The following AMBN variants were observed in gnomAD, a reference collection of about 807,000 sequenced individuals.
AMBN encodes the protein ameloblastin.
AMBN carries 54 observed loss-of-function variants against 48.0 expected under a neutral mutation model. The observed-to-expected ratio is 1.12, with a 90% confidence interval of 0.90 to 1.41. The LOEUF (loss-of-function observed/expected upper bound fraction) is 1.41, where lower values mean the gene tolerates loss of function less well. AMBN is among the 40% of genes most tolerant of loss of function. The probability of loss-of-function intolerance (pLI) is 0.00; values close to 1 mark genes in which losing one functional copy is unlikely to be tolerated. For synonymous variants in AMBN, 186 were observed against 190.0 expected (o/e 0.98, Z 0.17); for missense variants, 571 against 547.3 (o/e 1.04, Z -0.43).
At position 70,606,728 on chromosome 4, in the gene AMBN, T is replaced by G. The variant is rs1402489746; in HGVS notation, c.1342T>G (p.Ter448GlyextTer3). The G allele has an allele frequency of 2.5e-5, 40 of 1,609,302 alleles. No individual in the cohort carries two copies. Among genetic ancestry groups the G allele is most frequent in the Non-Finnish European group, 3.2e-5 (38 of 1,177,734 alleles). The change falls in exon 13 of 13, where the codon TGA (stop) becomes GGA (glycine). Residue 448 changes from the stop codon to glycine (G), a stop_lost. Transcript: ENST00000322937. The part of the protein sequence containing the change: ...MHDAWHFQEP[*>G] ...TGACGCATGGCATTTCCAAGAGCCC[T>G]GACAGCTCTAAGATATTAGCTACTT...
In AMBN at chr4:70,606,317, G is replaced by T. The variant is rs770515782; in HGVS notation, c.931G>T (p.Ala311Ser). The change falls in exon 13 of 13, where the codon GCT (alanine) becomes TCT (serine). Residue 311 changes from alanine to serine, a missense_variant. Coordinates refer to ENST00000322937, the MANE Select transcript of AMBN (RefSeq NM_016519.6). ...DFTLEFDSPV[A>S]ATKGPENEEG... ...CACTCTGGAATTTGACTCCCCAGTG[G>T]CTGCCACCAAAGGCCCTGAGAACGA... is the stretch of plus-strand genomic sequence containing the variant. 4 of 1,613,960 alleles carry T rather than the reference G, an allele frequency of 2.5e-6. No homozygotes were observed. The African/African-American group carries it at 5.3e-5, about 22-fold the overall frequency.
chr4:70,598,499 TA>T (rs1737440255), intron 4 of AMBN, 96 bp downstream of exon 4: 1 of 966,520 alleles, frequency 1.0e-6, no homozygotes, highest in Non-Finnish European at 1.5e-6. Context: ...GAATAGACAA[TA>T]TACTAAAGAT....
At chr4:70,596,022 G>A (rs1737376626) in intron 2 of AMBN, among the ~76,000 whole-genome samples, 2 of 152,054 alleles carry the variant, frequency 1.3e-5, no homozygotes, top group South Asian at 2.1e-4. Flanking sequence ...AGATGCAGTG[G>A]CTCACATCTG....
intron 3 of AMBN, 71 bp downstream of exon 3, chr4:70,597,120 C>A (rs1365767334): frequency 3.6e-6 from 5 of 1,381,798 alleles, no homozygotes; most frequent in Non-Finnish European, 5.1e-6. Flanking sequence ...GAAATATAAT[C>A]GTGTGCTTCT....
At chr4:70,599,515 T>C in intron 4 of AMBN, 21 bp from the exon 5 acceptor site, 1 of 1,522,806 alleles carries the variant, frequency 6.6e-7, no homozygotes, top group Non-Finnish European at 9.0e-7. Flanking sequence ...TAAGCATGTC[T>C]TTTTTTATCC....
In AMBN at chr4:70,602,642, G is replaced by T; in HGVS notation, c.550G>T (p.Ala184Ser). ...GATATAGCTCCCAGGAGTAGATTTT[G>T]CTGATCCACAAGGTCCATCAGTAAG... The part of the protein sequence containing the change: ...PKPELPGVDF[A>S]DPQGPSLPGM... The change falls in exon 7 of 13, where the codon GCT (alanine) becomes TCT (serine). Residue 184 changes from alanine (A) to serine (S), a missense_variant. Physicochemically the swap from Ala to Ser is moderately conservative, Grantham distance 99. Transcript: ENST00000322937. The T allele has an allele frequency of 6.3e-7, 1 of 1,575,346 alleles. No individual in the cohort carries two copies. Among genetic ancestry groups the T allele is most frequent in the Non-Finnish European group, 8.6e-7 (1 of 1,160,330 alleles).
intron 5 of AMBN, among the ~76,000 whole-genome samples, chr4:70,600,601 C>A (rs1211888480): frequency 6.6e-6 from 1 of 152,070 alleles, no homozygotes; most frequent in Admixed American, 6.6e-5. Flanking sequence ...CAAAGCAGAG[C>A]CCCAAATTGT....
At chr4:70,604,997 A>G (rs1049687200) in intron 12 of AMBN, among the ~76,000 whole-genome samples, 45 of 149,322 alleles carry the variant, frequency 3.0e-4, no homozygotes, top group African/African-American at 1.0e-3. Flanking sequence ...TGCCTTAAAA[A>G]AAAAAAAAAA....
chr4:70,597,742 T>A (rs2109801036), intron 3 of AMBN, among the ~76,000 whole-genome samples: 1 of 152,292 alleles, frequency 6.6e-6, no homozygotes, highest in South Asian at 2.1e-4. Flanking sequence ...TGGAAGCTAA[T>A]TTCGCTGAGG....
At chr4:70,603,119 A>G in intron 9 of AMBN, 109 bp downstream of exon 9, 1 of 1,397,384 alleles carries the variant, frequency 7.2e-7, no homozygotes, top group Admixed American at 2.2e-5. Context: ...ATGAAGTATA[A>G]TGGGTTCCTT....
At chr4:70,595,190 C>CTTTTTTT (rs367866356) in intron 2 of AMBN, among the ~76,000 whole-genome samples, 1 of 119,084 alleles carries the variant, frequency 8.4e-6, no homozygotes, top group African/African-American at 3.2e-5. Flanking sequence ...TCCCTCTATT[C>CTTTTTTT]TTTTTTTTTT....
intron 12 of AMBN, among the ~76,000 whole-genome samples, chr4:70,604,654 A>G (rs1737601205): frequency 6.6e-6 from 1 of 150,686 alleles, no homozygotes; most frequent in Admixed American, 6.6e-5. Flanking sequence ...TGTGCCTTCC[A>G]TGTGCCACAC....
At chr4:70,598,256 A>C (rs1737433461) in intron 3 of AMBN, 100 bp from the exon 4 acceptor site, 1 of 715,436 alleles carries the variant, frequency 1.4e-6, no homozygotes, top group Admixed American at 3.0e-5. Context: ...AAATTGATTC[A>C]CACCAAACTT....
rs151283081 is a variant in AMBN at position 70,596,958 on chromosome 4, T to C, written c.85-41T>C. 3.1e-5 allele frequency: 49 copies of C among 1,591,712 alleles called. No individual in the cohort carries two copies. In the East Asian group the frequency reaches 1.1e-3, roughly 36 times the overall value. The stretch of plus-strand genomic sequence containing the variant: ...CGCCCAATGGGCATTGAAGGAAGTT[T>C]TGTACCAATAAGACTCAAAATTATT... On this transcript the variant is annotated intron_variant, in intron 2 of 12. Coordinates refer to ENST00000322937, the MANE Select transcript of AMBN (RefSeq NM_016519.6).
chr4:70,606,041 A>G (rs1203802544), intron 12 of AMBN, 144 bp from the exon 13 acceptor site: 2 of 889,518 alleles, frequency 2.2e-6, no homozygotes, highest in Non-Finnish European at 3.4e-6. Flanking sequence ...GTGAGAAATG[A>G]GCTTACACAA....
At chr4:70,599,101 C>T (rs1328061620) in intron 4 of AMBN, among the ~76,000 whole-genome samples, 1 of 151,512 alleles carries the variant, frequency 6.6e-6, no homozygotes, top group East Asian at 1.9e-4. Flanking sequence ...AATTAACCAA[C>T]ATCACTTTTG....
At chr4:70,593,449 A>C (rs568881578) in intron 2 of AMBN, 54 bp downstream of exon 2, 136 of 1,433,614 alleles carry the variant, frequency 9.5e-5, no homozygotes, top group Middle Eastern at 3.5e-4. Context: ...GTCGAACTCC[A>C]AACAACACTG....
intron 2 of AMBN, among the ~76,000 whole-genome samples, chr4:70,594,662 G>A (rs762294255): frequency 4.6e-5 from 7 of 152,124 alleles, no homozygotes; most frequent in Admixed American, 1.3e-4. Context: ...GTTCCATCAC[G>A]CAAGATGAAT....
chr4:70,594,177 G>A (rs912087648), intron 2 of AMBN, among the ~76,000 whole-genome samples: 8 of 152,236 alleles, frequency 5.3e-5, no homozygotes, highest in South Asian at 2.1e-4. Context: ...AATTTACCTT[G>A]TAAACATGAA....
Sources: gnomAD v4.1 joint callset for allele counts (sites outside exome capture counted in the v4.1 genomes callset) on GRCh38, gnomAD v4.1.1 for gene constraint, MANE v1.5 for transcripts, NCBI Gene and HGNC (gene_info 2026-07-23, HGNC 2026-07-21) for gene names.